SORBS2: variants seen among roughly 807,000 people sequenced by gnomAD.
SORBS2 encodes sorbin and SH3 domain-containing protein 2.
Under a neutral mutation model 97.7 loss-of-function variants are expected in SORBS2, and 46 were observed. The ratio of observed to expected loss-of-function variants is 0.47; its 90% CI spans 0.37 to 0.60. The LOEUF (loss-of-function observed/expected upper bound fraction) is 0.60, where lower values mean the gene tolerates loss of function less well. Ranked by LOEUF, SORBS2 falls within the 20% of genes least tolerant of loss-of-function variation. The pLI is 0.00. For missense variants in SORBS2, 1,316 were observed against 1,282.3 expected (o/e 1.03, Z -0.40); for synonymous variants, 476 against 473.4 (o/e 1.01, Z -0.07).
intron 2 of SORBS2, chr4:185,770,976 T>TTC (rs71593653): frequency 3.0e-5 from 1 of 33,140 alleles, no homozygotes; most frequent in Non-Finnish European, 7.2e-5. Context: ...CATCGTTTCC[T>TTC]TTTTTTTTTT....
chr4:185,845,105 T>C (rs905156119), intron 1 of SORBS2, among the ~76,000 whole-genome samples: 2 of 151,550 alleles, frequency 1.3e-5, no homozygotes. Flanking sequence ...CTCATCCTCC[T>C]GGGCTCAAAT....
intron 1 of SORBS2, among the ~76,000 whole-genome samples, chr4:185,879,171 C>G (rs571708094): frequency 7.8e-5 from 6 of 77,290 alleles, no homozygotes; most frequent in South Asian, 3.8e-4. Context: ...TCCCTCCCCC[C>G]CCCCCACCCC....
intron 1 of SORBS2, among the ~76,000 whole-genome samples, chr4:185,852,107 G>A (rs183987804): frequency 6.6e-4 from 101 of 152,150 alleles, no homozygotes; most frequent in African/African-American, 2.3e-3. Flanking sequence ...CTTTTAATAC[G>A]TTTAGCATAG....
At chr4:185,759,499 T>G (rs1334748962) in intron 2 of SORBS2, among the ~76,000 whole-genome samples, 1 of 152,062 alleles carries the variant, frequency 6.6e-6, no homozygotes, top group African/African-American at 2.4e-5. Context: ...ATTTAACGGG[T>G]AGGGAGAACG....
intron 2 of SORBS2, among the ~76,000 whole-genome samples, chr4:185,746,261 C>T (rs185991366): frequency 6.0e-4 from 91 of 152,238 alleles, no homozygotes; most frequent in Non-Finnish European, 4.1e-4. Flanking sequence ...TTCAGAAGGG[C>T]GATGGATTTC....
intron 4 of SORBS2, among the ~76,000 whole-genome samples, chr4:185,664,895 C>T (rs1005574294): frequency 5.3e-5 from 8 of 151,644 alleles, no homozygotes; most frequent in Non-Finnish European, 7.4e-5. Flanking sequence ...ATTTTTTTGC[C>T]TGAAGCTATG....
At chr4:185,776,526 C>T (rs1234286911) in intron 1 of SORBS2, among the ~76,000 whole-genome samples, 3 of 152,008 alleles carry the variant, frequency 2.0e-5, no homozygotes, top group Non-Finnish European at 2.9e-5. Flanking sequence ...CCCTACTCCC[C>T]ATTACAAAAA....
intron 1 of SORBS2, among the ~76,000 whole-genome samples, chr4:185,841,645 T>G (rs2099211627): frequency 6.6e-6 from 1 of 152,198 alleles, no homozygotes; most frequent in Non-Finnish European, 1.5e-5. Context: ...AAATGAGGTT[T>G]TGCCAGGAGC....
chr4:185,830,536 T>C (rs1171180588), intron 1 of SORBS2, among the ~76,000 whole-genome samples: 3 of 152,184 alleles, frequency 2.0e-5, no homozygotes, highest in Non-Finnish European at 4.4e-5. Flanking sequence ...GAGGCCCCCT[T>C]TTGATCTCTG....
At chr4:185,646,422 T>A in intron 4 of SORBS2, 1 of 318,782 alleles carries the variant, frequency 3.1e-6, no homozygotes, top group Non-Finnish European at 5.5e-6. Flanking sequence ...TGTGTGTATA[T>A]ATATATATAT....
chr4:185,722,264 T>C (rs1309550744), intron 2 of SORBS2, among the ~76,000 whole-genome samples: 2 of 152,178 alleles, frequency 1.3e-5, no homozygotes, highest in Non-Finnish European at 2.9e-5. Flanking sequence ...GTTTAAAAAA[T>C]ATGAAAAACA....
intron 2 of SORBS2, among the ~76,000 whole-genome samples, chr4:185,718,398 T>C (rs1217610393): frequency 3.5e-4 from 54 of 152,168 alleles, no homozygotes. Flanking sequence ...GGATCAGTTG[T>C]ATAAAATTAC....
chr4:185,945,357 G>T (rs2099274045), intron 1 of SORBS2, among the ~76,000 whole-genome samples: 1 of 152,112 alleles, frequency 6.6e-6, no homozygotes, highest in African/African-American at 2.4e-5. Flanking sequence ...ACAAATAAAA[G>T]GTATAACATA....
intron 1 of SORBS2, among the ~76,000 whole-genome samples, chr4:185,794,789 A>C (rs1435899311): frequency 6.6e-6 from 1 of 151,926 alleles, no homozygotes. Flanking sequence ...TGTGTGACTG[A>C]GGGTCAGGGT....
chr4:185,615,291 C>T lies in SORBS2; in HGVS notation c.2352-132G>A, dbSNP rs116012869. On this transcript the variant is annotated intron_variant, in intron 9 of 14. Coordinates refer to ENST00000418609, the Ensembl canonical transcript of SORBS2. ...TAAAAAATCCAATTGATATTGAGTC[C>T]GATTAGATAAGAATGATCCTTGCAA... The T allele has an allele frequency of 4.6e-4, 290 of 635,758 alleles. 2 individuals are homozygous for T. Among genetic ancestry groups the T allele is most frequent in the African/African-American group, 4.3e-3 (239 of 55,006 alleles). The allele number at this position is 635,758 out of a possible 1,614,324, so 39.4% of individuals were successfully genotyped here.
intron 12 of SORBS2, among the ~76,000 whole-genome samples, chr4:185,605,294 A>G (rs554848309): frequency 1.2e-3 from 187 of 152,272 alleles, no homozygotes; most frequent in African/African-American, 4.4e-3. Flanking sequence ...GTTTCTTTTT[A>G]TTTTTGAAAT....
intron 12 of SORBS2, among the ~76,000 whole-genome samples, chr4:185,605,308 G>A (rs1045800623): frequency 6.6e-6 from 1 of 152,190 alleles, no homozygotes; most frequent in African/African-American, 2.4e-5. Context: ...TTGAAATGGA[G>A]TTTTGCTCTT....
intron 2 of SORBS2, chr4:185,772,797 A>G (rs2098979003): frequency 6.6e-6 from 1 of 152,234 alleles, no homozygotes; most frequent in Admixed American, 6.5e-5. Context: ...CCTGTTCAGC[A>G]GATTCTATAC....
intron 2 of SORBS2, among the ~76,000 whole-genome samples, chr4:185,703,983 A>C (rs1275612706): frequency 6.6e-6 from 1 of 152,238 alleles, no homozygotes; most frequent in African/African-American, 2.4e-5. Context: ...CCAGGGTCCT[A>C]GTTTAATGAA....
Sources: allele counts gnomAD v4.1 joint callset (sites outside exome capture counted in the v4.1 genomes callset), GRCh38; gene constraint gnomAD v4.1.1; transcripts MANE v1.5; gene names NCBI Gene and HGNC (gene_info 2026-07-23, HGNC 2026-07-21).